The following RORA variants were observed in gnomAD, a reference collection of about 807,000 sequenced individuals.
The protein encoded by RORA is nuclear receptor ROR-alpha.
A neutral mutation model predicts 69.5 loss-of-function variants in RORA; 7 were observed. The ratio of observed to expected loss-of-function variants is 0.10; its 90% CI spans 0.06 to 0.19. RORA has a LOEUF of 0.19. Ranked by LOEUF, RORA falls within the 10% of genes least tolerant of loss-of-function variation. The pLI, the probability that RORA is intolerant of heterozygous loss-of-function variation, is 1.00. For missense variants in RORA, 457 were observed against 663.0 expected (o/e 0.69, Z 3.41); for synonymous variants, 261 against 240.8 (o/e 1.08, Z -0.78).
intron 2 of RORA, among the ~76,000 whole-genome samples, chr15:60,645,323 G>A (rs1596092373): frequency 6.6e-6 from 1 of 151,612 alleles, no homozygotes; most frequent in Non-Finnish European, 1.5e-5. Context: ...ACAAAGGAGG[G>A]AGATGAAAGG....
chr15:61,039,570 C>A (rs1345561959), intron 1 of RORA, among the ~76,000 whole-genome samples: 2 of 151,734 alleles, frequency 1.3e-5, no homozygotes, highest in Admixed American at 1.3e-4. Context: ...ATGGTGAAAC[C>A]TGTCTCTACT....
intron 1 of RORA, among the ~76,000 whole-genome samples, chr15:61,080,265 C>G (rs747603782): frequency 1.3e-5 from 2 of 152,134 alleles, no homozygotes; most frequent in Non-Finnish European, 2.9e-5. Flanking sequence ...ACCTCCATTC[C>G]CTTTTCGTCC....
Position 60,511,394 on chromosome 15 carries a change from C to G in RORA, c.652G>C (p.Val218Leu). 6.2e-7 allele frequency: 1 copy of G among 1,614,172 alleles called. No homozygotes were observed. Among genetic ancestry groups the G allele is most frequent in the Non-Finnish European group, 8.5e-7 (1 of 1,180,028 alleles). The change falls in exon 5 of 11, where the codon GTC (valine) becomes CTC (leucine). Residue 218 changes from valine (V) to leucine (L), a missense_variant. Val to Leu is a conservative substitution (Grantham distance 32). Transcript: ENST00000335670. The surrounding 1 kb of genome is among the most constrained non-coding windows in gnomAD (Gnocchi z 6.4). ...TGTATGTCCAGGTAGAAGCTGCTGA[C>G]GGCGGAGTCTGCCTTACTCCCCTCA... ...TPEGSKADSA[V>L]SSFYLDIQPS...
intron 1 of RORA, among the ~76,000 whole-genome samples, chr15:60,939,348 G>C (rs1892618843): frequency 1.3e-5 from 2 of 152,134 alleles, no homozygotes; most frequent in South Asian, 4.1e-4. Context: ...CTGGACAAAG[G>C]GGGCTGGAGA....
intron 1 of RORA, among the ~76,000 whole-genome samples, chr15:61,075,964 T>C (rs1380026691): frequency 1.3e-5 from 2 of 152,178 alleles, no homozygotes; most frequent in Non-Finnish European, 2.9e-5. Flanking sequence ...AGCTGCCACA[T>C]TGTTACCCTG....
At chr15:60,797,647 T>C (rs180672865) in intron 1 of RORA, among the ~76,000 whole-genome samples, 3 of 152,300 alleles carry the variant, frequency 2.0e-5, no homozygotes, top group East Asian at 1.9e-4. Flanking sequence ...GCTTATGAGA[T>C]ATTAACTCCT....
intron 1 of RORA, among the ~76,000 whole-genome samples, chr15:61,109,849 A>G (rs1304574705): frequency 6.6e-6 from 1 of 152,194 alleles, no homozygotes; most frequent in African/African-American, 2.4e-5. Context: ...CTTGATCCAC[A>G]ATAACAGTGC....
intron 2 of RORA, chr15:60,615,084 G>A: frequency 2.5e-6 from 4 of 1,581,462 alleles, no homozygotes; most frequent in Non-Finnish European, 2.6e-6. Context: ...CTGCTTCCTA[G>A]AACCTGGTGG....
At chr15:60,929,155 G>A (rs1190981927) in intron 1 of RORA, among the ~76,000 whole-genome samples, 1 of 152,122 alleles carries the variant, frequency 6.6e-6, no homozygotes, top group Non-Finnish European at 1.5e-5. Context: ...CCCAATGAAG[G>A]TGTCAACAAA....
chr15:60,881,726 G>A (rs2073682732), intron 1 of RORA, among the ~76,000 whole-genome samples: 1 of 152,176 alleles, frequency 6.6e-6, no homozygotes, highest in South Asian at 2.1e-4. Flanking sequence ...TGTCCTTGAA[G>A]CAGAGAGACC....
intron 1 of RORA, among the ~76,000 whole-genome samples, chr15:60,920,641 A>G (rs1483060773): frequency 6.6e-6 from 1 of 152,234 alleles, no homozygotes; most frequent in Non-Finnish European, 1.5e-5. Context: ...CATAGTTAAC[A>G]GCGAGCTATT....
At chr15:60,523,025 G>A (rs1218367020) in intron 3 of RORA, among the ~76,000 whole-genome samples, 3 of 119,096 alleles carry the variant, frequency 2.5e-5, no homozygotes, top group African/African-American at 5.4e-5. Context: ...GCAACAGGGC[G>A]AGACTCTGCC....
intron 2 of RORA, among the ~76,000 whole-genome samples, chr15:60,561,857 T>C (rs552723379): frequency 1.1e-3 from 169 of 152,274 alleles, no homozygotes; most frequent in Non-Finnish European, 2.2e-3. Flanking sequence ...ATTTTGTTCC[T>C]GACTAGATGC....
intron 1 of RORA, chr15:61,176,058 A>G (rs1325504929): frequency 6.6e-6 from 1 of 152,194 alleles, no homozygotes; most frequent in Admixed American, 6.5e-5. Context: ...ACACACACAC[A>G]CACATTCTTT....
chr15:60,876,353 G>A (rs545387910), intron 1 of RORA, among the ~76,000 whole-genome samples: 33 of 151,166 alleles, frequency 2.2e-4, no homozygotes, highest in Non-Finnish European at 3.5e-4. Flanking sequence ...ACACTTGTTG[G>A]AGGCACTCGG....
chr15:60,830,844 T>C (rs2073033011), intron 1 of RORA, among the ~76,000 whole-genome samples: 1 of 152,188 alleles, frequency 6.6e-6, no homozygotes, highest in African/African-American at 2.4e-5. Flanking sequence ...ACACTCAAGA[T>C]TTTCTTGGGC....
intron 1 of RORA, among the ~76,000 whole-genome samples, chr15:60,960,563 G>A (rs937895407): frequency 2.6e-5 from 4 of 152,046 alleles, no homozygotes; most frequent in African/African-American, 7.3e-5. Flanking sequence ...AGAGTTACAC[G>A]ATCAGGAGAG....
chr15:60,732,861 T>A (rs950827120), intron 1 of RORA, among the ~76,000 whole-genome samples: 2 of 151,488 alleles, frequency 1.3e-5, no homozygotes, highest in African/African-American at 2.5e-5. Context: ...ATAAAGACTA[T>A]CCTGTTATCA....
chr15:60,700,911 T>C (rs541177363), intron 1 of RORA, among the ~76,000 whole-genome samples: 37 of 152,262 alleles, frequency 2.4e-4, no homozygotes, highest in Non-Finnish European at 4.1e-4. Flanking sequence ...GTTGTGCAGG[T>C]TGGTCACAGT....
Sources: gnomAD v4.1 joint callset for allele counts (sites outside exome capture counted in the v4.1 genomes callset) on GRCh38, gnomAD v4.1.1 for gene constraint, Gnocchi (gnomAD v3.1) non-coding constraint, MANE v1.5 for transcripts, NCBI Gene and HGNC (gene_info 2026-07-23, HGNC 2026-07-21) for gene names.